CLNK: variants seen among roughly 807,000 people sequenced by gnomAD.
CLNK encodes the protein cytokine-dependent hematopoietic cell linker.
CLNK carries 74 observed loss-of-function variants against 68.6 expected under a neutral mutation model. The observed-to-expected ratio is 1.08, with a 90% CI of 0.89 to 1.31. CLNK has a LOEUF of 1.31. CLNK is among the 50% of genes most tolerant of loss of function. The pLI is 0.00. For missense variants in CLNK, 553 were observed against 515.3 expected, an observed-to-expected ratio of 1.07 and a Z score of -0.71; for synonymous variants, 198 against 172.2, an observed-to-expected ratio of 1.15 and a Z score of -1.17.
intron 11 of CLNK, among the ~76,000 whole-genome samples, chr4:10,538,177 T>C (rs1166279600): frequency 6.6e-6 from 1 of 152,212 alleles, no homozygotes; most frequent in Non-Finnish European, 1.5e-5. Context: ...CCTCTGTCGC[T>C]GGAGTGCAGT....
At chr4:10,662,907 A>G (rs925662935) in intron 2 of CLNK, among the ~76,000 whole-genome samples, 12 of 152,244 alleles carry the variant, frequency 7.9e-5, no homozygotes, top group Admixed American at 2.6e-4. Context: ...CTTAAGCCTT[A>G]TTTCAAAGTG....
rs114592351 is a variant in CLNK at position 10,574,511 on chromosome 4, G to A, written c.113-2733C>T. Among the ~76,000 whole-genome samples, 529 of 152,144 alleles carry A rather than the reference G, an allele frequency of 3.5e-3. 2 individuals are homozygous for A. Among genetic ancestry groups the A allele is most frequent in the African/African-American group, 0.012 (507 of 41,494 alleles). Reference sequence around the variant, plus strand: ...GTCTGATCACCCTGGTCTGCCTTCCGCAAGAACATTTCAGGTCAGTTTAGC... The same window carrying A: ...GTCTGATCACCCTGGTCTGCCTTCCACAAGAACATTTCAGGTCAGTTTAGC... On this transcript the variant is annotated intron_variant, in intron 4 of 18. Coordinates refer to ENST00000226951, the MANE Select transcript of CLNK (RefSeq NM_052964.4).
At chr4:10,558,336 G>A in intron 8 of CLNK, 71 bp downstream of exon 8, 1 of 1,284,690 alleles carries the variant, frequency 7.8e-7, no homozygotes, top group Admixed American at 1.7e-5. Context: ...AAACAGTAAT[G>A]CGAGAGGATC....
chr4:10,625,148 C>A (rs187460170), intron 2 of CLNK, among the ~76,000 whole-genome samples: 2 of 152,270 alleles, frequency 1.3e-5, no homozygotes, highest in East Asian at 3.9e-4. Flanking sequence ...GATCTCTTGC[C>A]CATGGTGCTG....
intron 3 of CLNK, among the ~76,000 whole-genome samples, chr4:10,590,248 C>A (rs1721135455): frequency 6.6e-6 from 1 of 152,136 alleles, no homozygotes; most frequent in Admixed American, 6.5e-5. Context: ...ATCTAATAAT[C>A]TTTAATTTTT....
chr4:10,513,520 G>A lies in CLNK; in HGVS notation c.850C>T (p.Leu284=). 6.2e-7 allele frequency: 1 copy of A among 1,611,624 alleles called. No individual in the cohort carries two copies. Among genetic ancestry groups the A allele is most frequent in the Non-Finnish European group, 8.5e-7 (1 of 1,178,884 alleles). ...PASCSPHENI[L]PYKYTSWRPP... is the part of the protein sequence containing the mutation. ...CTCCAGCTTGTGTATTTATAGGGCA[G>A]TATATTTTCGTGAGGGCTGCAGCTG... Residue 284 remains leucine, a synonymous_variant, in exon 16 of 19, where the codon CTG becomes TTG. Coordinates refer to ENST00000226951, the MANE Select transcript of CLNK (RefSeq NM_052964.4).
At chr4:10,610,033 GTTTTTTTTTTTTTTTTTTTTTTTT>G (rs71181047) in intron 2 of CLNK, among the ~76,000 whole-genome samples, 1 of 73,430 alleles carries the variant, frequency 1.4e-5, no homozygotes, top group Non-Finnish European at 2.4e-5. Flanking sequence ...ATGAATGCTC[GTTTTTTTTTTTTTTTTTTTTTTTT>G]TTTTTTTTTT....
the CLNK span, among the ~76,000 whole-genome samples, chr4:10,693,097 C>A: frequency 6.6e-6 from 1 of 152,188 alleles, no homozygotes; most frequent in African/African-American, 2.4e-5. Flanking sequence ...CGGGAACCAG[C>A]TGGACTTGCA....
At position 10,490,421 on chromosome 4, in the gene CLNK, A is replaced by C; in HGVS notation, c.*46T>G. Reference sequence around the variant, plus strand: ...TAAACTTTTGAAATCAATGAAAACAATGGAAGCGCTGAATCCAGTAAACCA... The same window carrying C: ...TAAACTTTTGAAATCAATGAAAACACTGGAAGCGCTGAATCCAGTAAACCA... On this transcript the variant is annotated 3_prime_UTR_variant, in exon 19 of 19. Transcript: ENST00000226951. 1.3e-6 allele frequency: 2 copies of C among 1,586,358 alleles called. No homozygotes were observed. Among genetic ancestry groups the C allele is most frequent in the Non-Finnish European group, 1.7e-6 (2 of 1,169,166 alleles).
rs76124734 is a variant in CLNK at position 10,590,330 on chromosome 4, T to C, written c.84-5375A>G. On this transcript the variant is annotated intron_variant, in intron 3 of 18. Coordinates refer to ENST00000226951, the MANE Select transcript of CLNK (RefSeq NM_052964.4). ...TGCTGCCCAGCAGAACTGGCTTTGA[T>C]GAAGTAGACAGGGCATGCTTGCCTT... is the stretch of plus-strand genomic sequence containing the variant. 7.1e-3 allele frequency among the ~76,000 whole-genome samples: 1,082 copies of C among 152,348 alleles called. 16 individuals are homozygous for C. Among genetic ancestry groups the C allele is most frequent in the African/African-American group, 0.025 (1,022 of 41,578 alleles).
chr4:10,677,801 C>CT (rs2108900986), intron 1 of CLNK, among the ~76,000 whole-genome samples: 1 of 151,116 alleles, frequency 6.6e-6, no homozygotes, highest in South Asian at 2.1e-4. Context: ...CAGAGAAGTG[C>CT]TTTACAGCAG....
At chr4:10,680,901 T>C (rs977353922) in intron 1 of CLNK, among the ~76,000 whole-genome samples, 9 of 152,138 alleles carry the variant, frequency 5.9e-5, no homozygotes, top group Non-Finnish European at 1.0e-4. Context: ...GGATGGGGAC[T>C]GTGTGGAGGT....
chr4:10,497,017 T>C (rs1716836601), intron 18 of CLNK, among the ~76,000 whole-genome samples: 2 of 152,240 alleles, frequency 1.3e-5, no homozygotes, highest in African/African-American at 4.8e-5. Flanking sequence ...CAATTCTTTG[T>C]TCAAGATGCC....
intron 2 of CLNK, among the ~76,000 whole-genome samples, chr4:10,645,270 A>C (rs1358935471): frequency 6.6e-6 from 1 of 152,168 alleles, no homozygotes; most frequent in Non-Finnish European, 1.5e-5. Context: ...ATAAATGAAT[A>C]ATGATGGACA....
intron 15 of CLNK, among the ~76,000 whole-genome samples, chr4:10,514,443 G>A (rs1230288944): frequency 6.6e-6 from 1 of 150,586 alleles, no homozygotes; most frequent in Admixed American, 6.6e-5. Context: ...CAGAAATAAC[G>A]CTGCATACCT....
At chr4:10,623,002 C>A (rs1722520807) in intron 2 of CLNK, among the ~76,000 whole-genome samples, 1 of 152,160 alleles carries the variant, frequency 6.6e-6, no homozygotes, top group Non-Finnish European at 1.5e-5. Context: ...GTCCCAAAGT[C>A]CCCACCTCTA....
At chr4:10,639,261 C>A (rs909769490) in intron 2 of CLNK, among the ~76,000 whole-genome samples, 1 of 152,248 alleles carries the variant, frequency 6.6e-6, no homozygotes, top group African/African-American at 2.4e-5. Context: ...ACCCAGCCAG[C>A]CTCTCCTGCT....
At chr4:10,682,588 C>G (rs1483223032) in intron 1 of CLNK, among the ~76,000 whole-genome samples, 1 of 152,178 alleles carries the variant, frequency 6.6e-6, no homozygotes, top group Non-Finnish European at 1.5e-5. Context: ...TTACACAACT[C>G]CAACAACAGC....
intron 17 of CLNK, among the ~76,000 whole-genome samples, chr4:10,502,635 G>GA (rs1368335522): frequency 6.6e-6 from 1 of 151,804 alleles, no homozygotes; most frequent in Non-Finnish European, 1.5e-5. Flanking sequence ...GCTTTGAGCA[G>GA]AAAAAACTTT....
Sources: allele counts gnomAD v4.1 joint callset (sites outside exome capture counted in the v4.1 genomes callset), GRCh38; gene constraint gnomAD v4.1.1; transcripts MANE v1.5; gene names NCBI Gene and HGNC (gene_info 2026-07-23, HGNC 2026-07-21).